The following RP9 variants were observed in gnomAD, a reference collection of about 807,000 sequenced individuals.
RP9 encodes the protein retinitis pigmentosa 9 protein.
A neutral mutation model predicts 32.6 loss-of-function variants in RP9; 23 were observed. The observed-to-expected ratio is 0.71, with a 90% confidence interval of 0.51 to 1.00. RP9 has a LOEUF of 1.00. Among genes scored for constraint, RP9 ranks in the 50% least tolerant of loss-of-function variants. The pLI is 0.00. For missense variants in RP9, 245 were observed against 285.3 expected, an observed-to-expected ratio of 0.86 and a Z score of 1.02; for synonymous variants, 94 against 103.6, an observed-to-expected ratio of 0.91 and a Z score of 0.56.
chr7:33,099,061 A>C (rs2128032302), intron 3 of RP9: 3 of 574,194 alleles, frequency 5.2e-6, no homozygotes, highest in Non-Finnish European at 6.2e-6. Context: ...GAAATCTGAG[A>C]TCAGGGTCCC....
intron 3 of RP9, 58 bp downstream of exon 3, chr7:33,099,249 C>T: frequency 6.3e-7 from 1 of 1,586,572 alleles, no homozygotes; most frequent in Non-Finnish European, 8.6e-7. Context: ...GAAGTAAACA[C>T]TCTTTGTAAA....
At chr7:33,096,955 C>T (rs1376791660) in intron 4 of RP9, among the ~76,000 whole-genome samples, 2 of 152,114 alleles carry the variant, frequency 1.3e-5, no homozygotes, top group Non-Finnish European at 2.9e-5. Flanking sequence ...TGATTTCAGT[C>T]ATGAAACATG....
chr7:33,095,595 T>C (rs1788320327), intron 5 of RP9, among the ~76,000 whole-genome samples, 163 bp from the exon 6 acceptor site: 1 of 152,252 alleles, frequency 6.6e-6, no homozygotes, highest in African/African-American at 2.4e-5. Context: ...TCCACCTGAA[T>C]GCCTACTTTA....
At chr7:33,107,234 C>T (rs1224667158) in intron 1 of RP9, among the ~76,000 whole-genome samples, 1 of 152,300 alleles carries the variant, frequency 6.6e-6, no homozygotes, top group South Asian at 2.1e-4. Flanking sequence ...CTGGAAAAAT[C>T]CCACCAGTCA....
chr7:33,097,503 TC>T, intron 3 of RP9, 141 bp from the exon 4 acceptor site: 1 of 656,190 alleles, frequency 1.5e-6, no homozygotes, highest in Non-Finnish European at 2.6e-6. Flanking sequence ...CCATGTAAGA[TC>T]CCAGAAACAG....
intron 5 of RP9, among the ~76,000 whole-genome samples, chr7:33,096,048 G>C (rs998064398): frequency 6.6e-6 from 1 of 152,138 alleles, no homozygotes; most frequent in African/African-American, 2.4e-5. Context: ...GGCCCAGGCT[G>C]GTCTCAAACG....
chr7:33,106,502 A>T (rs1156316407), intron 1 of RP9, among the ~76,000 whole-genome samples: 7 of 152,330 alleles, frequency 4.6e-5, no homozygotes, highest in African/African-American at 1.7e-4. Flanking sequence ...AATACTAAGC[A>T]TTCGTTTAGC....
At position 33,100,744 on chromosome 7, in the gene RP9, C is replaced by T. The variant is rs149489293; in HGVS notation, c.153-183G>A. ...GAATGCTTCTCCTCCCTGTGCTGAG[C>T]GGCACCTGCCATCTAAGACTGGCCA... On this transcript the variant is annotated intron_variant, in intron 1 of 5. Transcript: ENST00000297157. 1,200 of 703,512 alleles carry T rather than the reference C, an allele frequency of 1.7e-3. 7 individuals carry two copies. In the African/African-American group the frequency reaches 0.018, roughly 10 times the overall value. 43.6% of individuals were successfully genotyped at this position (703,512 alleles called of 1,614,324 possible).
chr7:33,102,841 A>C (rs1314282846), intron 1 of RP9, among the ~76,000 whole-genome samples: 1 of 152,230 alleles, frequency 6.6e-6, no homozygotes, highest in East Asian at 1.9e-4. Flanking sequence ...GGAGCTATTA[A>C]GTGACAGAGA....
chr7:33,095,484 A>C, intron 5 of RP9, 52 bp from the exon 6 acceptor site: 1 of 1,608,200 alleles, frequency 6.2e-7, no homozygotes, highest in Non-Finnish European at 8.5e-7. Flanking sequence ...TTAACTTACA[A>C]CAGTTGCTTA....
intron 2 of RP9, among the ~76,000 whole-genome samples, chr7:33,099,817 T>C (rs1788399670): frequency 6.6e-6 from 1 of 152,176 alleles, no homozygotes; most frequent in Admixed American, 6.5e-5. Context: ...CCTGTTATGC[T>C]AGAATAGTTT....
At chr7:33,108,003 G>A (rs1007123102) in intron 1 of RP9, among the ~76,000 whole-genome samples, 2 of 152,168 alleles carry the variant, frequency 1.3e-5, no homozygotes, top group African/African-American at 4.8e-5. Context: ...ACCTGTGACG[G>A]CCTGAAAATC....
In RP9 at chr7:33,109,141, A is replaced by C. The variant is rs1788544202; in HGVS notation, c.152+80T>G. On this transcript the variant is annotated intron_variant, in intron 1 of 5. Transcript: ENST00000297157. This position sits in a 1 kb window ranked among gnomAD's most constrained non-coding sequence, Gnocchi z 4.9. ...CGCGGGGGCTCGGAGGACCCGGCCT[A>C]GCGCCCACCGCGGCGTCCCGCGCCC... The C allele has an allele frequency of 6.9e-7, 1 of 1,446,644 alleles. No homozygotes were observed. Among genetic ancestry groups the C allele is most frequent in the Admixed American group, 2.4e-5 (1 of 42,218 alleles). The allele number at this position is 1,446,644 out of a possible 1,614,324, so 89.6% of individuals were successfully genotyped here.
rs1261363159 is a variant in RP9 at position 33,099,432 on chromosome 7, T to A, written c.188A>T (p.Asp63Val). Residue 63 changes from aspartate to valine, a missense_variant, in exon 3 of 6, where the codon GAT becomes GTT. Physicochemically the swap from Asp to Val is radical, Grantham distance 152. This residue lies in a region of RP9 where 182 missense variants were observed against 175.5 expected (regional missense o/e 1.04). Transcript: ENST00000297157. ...EKPPPGLIKEDETKPEDCIPD... is the reference protein window; with the variant it reads ...EKPPPGLIKEVETKPEDCIPD... ...TATGCAATCTTCTGGCTTAGTCTCA[T>A]CTTCCTAAAAAAGGGAACAGGTATA... The A allele has an allele frequency of 2.5e-6, 4 of 1,613,510 alleles. No individual in the cohort carries two copies. The highest frequency in any genetic ancestry group is 3.4e-6 in the Non-Finnish European group (4 of 1,179,948).
chr7:33,096,414 T>G, intron 5 of RP9, 79 bp downstream of exon 5: 1 of 985,104 alleles, frequency 1.0e-6, no homozygotes, highest in Non-Finnish European at 1.6e-6. Context: ...ACCATTCCTC[T>G]AACACTAGAG....
intron 5 of RP9, among the ~76,000 whole-genome samples, chr7:33,095,957 C>T (rs1448492724): frequency 2.6e-5 from 4 of 152,068 alleles, no homozygotes; most frequent in South Asian, 2.1e-4. Flanking sequence ...CTCATCCTCC[C>T]GAGTGGCTGG....
chr7:33,097,090 A>G (rs1788348611), intron 4 of RP9, among the ~76,000 whole-genome samples, 181 bp downstream of exon 4: 1 of 152,118 alleles, frequency 6.6e-6, no homozygotes, highest in African/African-American at 2.4e-5. Flanking sequence ...TTTTTTTGTA[A>G]AAGAGCTAAT....
intron 1 of RP9, among the ~76,000 whole-genome samples, chr7:33,106,339 C>T (rs935780868): frequency 1.3e-4 from 20 of 151,838 alleles, no homozygotes; most frequent in African/African-American, 4.8e-4. Flanking sequence ...TGGTTAATTT[C>T]TTTTTTCCTT....
In RP9 at chr7:33,109,246, G is replaced by T; in HGVS notation, c.127C>A (p.Gln43Lys). The stretch of plus-strand genomic sequence containing the variant: ...AAGGACTCCAGGTGCTTGAGCTGCT[G>T]CAGCTGCTGCGCGTCGTGTCGCCGC... ...KRRRHDAQQL[Q>K]QLKHLESFYE... Residue 43 changes from glutamine to lysine, a missense_variant, in exon 1 of 6, where the codon CAG (glutamine) becomes AAG (lysine). Transcript: ENST00000297157. The surrounding 1 kb of genome is among the most constrained non-coding windows in gnomAD (Gnocchi z 4.9). 6.7e-7 allele frequency: 1 copy of T among 1,496,894 alleles called. No individual in the cohort carries two copies. 92.7% of individuals were successfully genotyped at this position (1,496,894 alleles called of 1,614,324 possible).
Sources: allele counts gnomAD v4.1 joint callset (sites outside exome capture counted in the v4.1 genomes callset), GRCh38; gene constraint gnomAD v4.1.1; regional missense constraint gnomAD v4.1.1; non-coding constraint Gnocchi (gnomAD v3.1); transcripts MANE v1.5; gene names NCBI Gene and HGNC (gene_info 2026-07-23, HGNC 2026-07-21).